Variants in WDR64 observed in about 807,000 individuals in gnomAD.
WDR64 encodes the protein WD repeat domain 64, also known as WD repeat-containing protein 64.
A neutral mutation model predicts 139.3 loss-of-function variants in WDR64; 112 were observed. That is an observed-to-expected ratio of 0.80 (90% confidence interval 0.69 to 0.94). WDR64 has a LOEUF of 0.94. Ranked by LOEUF, WDR64 falls within the 40% of genes least tolerant of loss-of-function variation. WDR64 has a pLI of 0.00. For missense variants in WDR64, 1,206 were observed against 1,293.1 expected (o/e 0.93, Z 1.03); for synonymous variants, 444 against 437.7 (o/e 1.01, Z -0.18).
intron 8 of WDR64, among the ~76,000 whole-genome samples, chr1:241,697,433 C>T (rs972768155): frequency 6.6e-6 from 1 of 152,168 alleles, no homozygotes; most frequent in African/African-American, 2.4e-5. Flanking sequence ...GCTGTCTCAG[C>T]TCTTCCACTG....
chr1:241,698,436 G>A (rs72632898), intron 8 of WDR64, among the ~76,000 whole-genome samples: 11,625 of 151,998 alleles, frequency 0.076, 554 homozygotes, highest in East Asian at 0.21. Flanking sequence ...CAAAACGATT[G>A]TTCATTAATC....
chr1:241,708,696 TTTTTTTTGTTTTTTTG>T (rs1348950501), intron 8 of WDR64, among the ~76,000 whole-genome samples: 2 of 68,822 alleles, frequency 2.9e-5, no homozygotes, highest in Admixed American at 1.2e-4. Context: ...TCCATGGTTT[TTTTTTTTGTTTTTTTG>T]TTTTTTTTTT....
intron 8 of WDR64, among the ~76,000 whole-genome samples, chr1:241,688,641 C>A (rs370970354): frequency 1.3e-5 from 2 of 152,214 alleles, no homozygotes; most frequent in African/African-American, 2.4e-5. Flanking sequence ...AGTTTTGTTG[C>A]CCCCACATTG....
intron 1 of WDR64, among the ~76,000 whole-genome samples, chr1:241,653,538 C>T (rs370573962): frequency 1.9e-5 from 2 of 107,928 alleles, no homozygotes; most frequent in Non-Finnish European, 2.1e-5. Context: ...CTTTTCTTTT[C>T]TTTTCTTTTT....
chr1:241,708,457 G>C (rs531874124), intron 8 of WDR64, among the ~76,000 whole-genome samples: 2 of 152,204 alleles, frequency 1.3e-5, no homozygotes, highest in East Asian at 1.9e-4. Context: ...GGGATGACAC[G>C]CATACACCAC....
chr1:241,702,528 A>G (rs1201049168), intron 8 of WDR64, among the ~76,000 whole-genome samples: 1 of 152,104 alleles, frequency 6.6e-6, no homozygotes, highest in Non-Finnish European at 1.5e-5. Context: ...AAGGAAAAAA[A>G]AAAAAAGAAA....
intron 9 of WDR64, among the ~76,000 whole-genome samples, chr1:241,713,189 T>A (rs114324341): frequency 0.019 from 2,907 of 151,730 alleles, 41 homozygotes; most frequent in Non-Finnish European, 0.028. Flanking sequence ...TGTGTACCTG[T>A]AGCCCTAGCT....
intron 6 of WDR64, among the ~76,000 whole-genome samples, chr1:241,681,345 C>G (rs1666785597): frequency 6.6e-6 from 1 of 152,130 alleles, no homozygotes; most frequent in African/African-American, 2.4e-5. Context: ...AAGCTTAGCT[C>G]CCTCTTATGA....
chr1:241,780,868 G>A (rs576686298), intron 22 of WDR64, among the ~76,000 whole-genome samples: 33 of 152,178 alleles, frequency 2.2e-4, no homozygotes, highest in African/African-American at 7.5e-4. Flanking sequence ...CCAGGGTCGG[G>A]GTTCTGATTG....
intron 1 of WDR64, among the ~76,000 whole-genome samples, chr1:241,658,386 C>T (rs988804878): frequency 6.6e-6 from 1 of 151,772 alleles, no homozygotes; most frequent in Non-Finnish European, 1.5e-5. Flanking sequence ...TCTGTAATCC[C>T]AGCACTTTGG....
chr1:241,654,819 GAATT>G (rs1433538919), intron 1 of WDR64, among the ~76,000 whole-genome samples: 1 of 152,148 alleles, frequency 6.6e-6, no homozygotes, highest in Admixed American at 6.5e-5. Flanking sequence ...TTCATGCACA[GAATT>G]ATTAAAACTA....
At chr1:241,794,781 A>T (rs1038701830) in intron 25 of WDR64, among the ~76,000 whole-genome samples, 4 of 152,116 alleles carry the variant, frequency 2.6e-5, no homozygotes, top group Non-Finnish European at 5.9e-5. Context: ...TGCTGGGATT[A>T]CAGGCATGAG....
rs562103285 is a variant in WDR64 at position 241,802,467 on chromosome 1, C to G, written c.*1252C>G. ...TTTCTGGGGTGAATGGTAATGTTAT[C>G]TTAATAAAGTTTGGGTTATACAGCT... On this transcript the variant is annotated 3_prime_UTR_variant, in exon 28 of 28. Coordinates refer to ENST00000437684, the MANE Select transcript of WDR64 (RefSeq NM_001367482.1). Among the ~76,000 whole-genome samples, 1 of 152,226 alleles carries G rather than the reference C, an allele frequency of 6.6e-6. No homozygotes were observed. Among genetic ancestry groups the G allele is most frequent in the Non-Finnish European group, 1.5e-5 (1 of 67,994 alleles).
At chr1:241,716,700 T>C (rs1461922478) in intron 9 of WDR64, among the ~76,000 whole-genome samples, 1 of 152,036 alleles carries the variant, frequency 6.6e-6, no homozygotes, top group Non-Finnish European at 1.5e-5. Context: ...ATAATACAGA[T>C]GAAATAGTAT....
chr1:241,671,788 G>A (rs1666240756), intron 3 of WDR64, among the ~76,000 whole-genome samples: 2 of 152,118 alleles, frequency 1.3e-5, no homozygotes, highest in East Asian at 1.9e-4. Context: ...AGGAGGTCAG[G>A]AAGAGGGAAG....
intron 10 of WDR64, among the ~76,000 whole-genome samples, chr1:241,729,567 G>C (rs150115731): frequency 1.3e-5 from 2 of 152,108 alleles, no homozygotes; most frequent in Non-Finnish European, 2.9e-5. Context: ...GTGCATTCCC[G>C]TCTTTGTCTG....
At chr1:241,727,313 C>T (rs1668884452) in intron 10 of WDR64, among the ~76,000 whole-genome samples, 1 of 152,162 alleles carries the variant, frequency 6.6e-6, no homozygotes, top group Non-Finnish European at 1.5e-5. Context: ...AATAAGATAT[C>T]TTTCTAGCAA....
Position 241,802,021 on chromosome 1 carries a change from C to T in WDR64, c.*806C>T. 2.5e-6 allele frequency: 1 copy of T among 397,612 alleles called. No homozygotes were observed. Among genetic ancestry groups the T allele is most frequent in the East Asian group, 3.6e-5 (1 of 27,904 alleles). 24.6% of individuals were successfully genotyped at this position (397,612 alleles called of 1,614,324 possible). A position where few individuals can be genotyped will look rare whatever the true frequency, so the allele number is the denominator to read the frequency against. ...AAAGAATGAAAAAAGATGTATGATG[C>T]AAAAACTAACCTAAAGAAAATCAAT... On this transcript the variant is annotated 3_prime_UTR_variant, in exon 28 of 28. Transcript: ENST00000437684.
At chr1:241,654,215 CT>C (rs1442195395) in intron 1 of WDR64, among the ~76,000 whole-genome samples, 1 of 152,206 alleles carries the variant, frequency 6.6e-6, no homozygotes, top group Admixed American at 6.5e-5. Flanking sequence ...TCCTTTTCTA[CT>C]GGATTTGTCC....
Sources: allele counts gnomAD v4.1 joint callset (sites outside exome capture counted in the v4.1 genomes callset), GRCh38; gene constraint gnomAD v4.1.1; transcripts MANE v1.5; gene names NCBI Gene and HGNC (gene_info 2026-07-23, HGNC 2026-07-21).